The following CFAP299 variants were observed in gnomAD, a reference collection of about 807,000 sequenced individuals.
CFAP299 encodes the protein cilia- and flagella-associated protein 299.
A neutral mutation model predicts 27.0 loss-of-function variants in CFAP299; 21 were observed. The observed-to-expected ratio is 0.78, with a 90% CI of 0.55 to 1.12. The LOEUF (loss-of-function observed/expected upper bound fraction) is 1.12. Among genes scored for constraint, CFAP299 ranks in the 50% most tolerant of loss-of-function variants. CFAP299 has a pLI of 0.00. For synonymous variants in CFAP299, 104 were observed against 98.1 expected (o/e 1.06, Z -0.36); for missense variants, 310 against 276.6 (o/e 1.12, Z -0.86).
chr4:80,893,388 A>G (rs1734443860), intron 4 of CFAP299, among the ~76,000 whole-genome samples: 1 of 151,980 alleles, frequency 6.6e-6, no homozygotes, highest in African/African-American at 2.4e-5. Context: ...AAATTCATAC[A>G]GAACTATGAA....
At chr4:80,622,687 A>G (rs777512351) in intron 3 of CFAP299, among the ~76,000 whole-genome samples, 1 of 152,218 alleles carries the variant, frequency 6.6e-6, no homozygotes, top group Non-Finnish European at 1.5e-5. Flanking sequence ...TTAAAAAATT[A>G]AGAAAACCTA....
chr4:80,603,726 G>A (rs980737978), intron 3 of CFAP299, among the ~76,000 whole-genome samples: 1 of 152,158 alleles, frequency 6.6e-6, no homozygotes, highest in African/African-American at 2.4e-5. Context: ...CTGAAGTAAT[G>A]CATTATTCAT....
chr4:80,759,272 A>G (rs1725421900), intron 3 of CFAP299, among the ~76,000 whole-genome samples: 1 of 152,174 alleles, frequency 6.6e-6, no homozygotes, highest in Non-Finnish European at 1.5e-5. Context: ...CTTCAAGGCA[A>G]TCATGGTACA....
intron 2 of CFAP299, among the ~76,000 whole-genome samples, chr4:80,504,716 TG>T (rs1731929373): frequency 6.8e-6 from 1 of 147,830 alleles, no homozygotes; most frequent in African/African-American, 2.5e-5. Context: ...TGAGCGATTA[TG>T]TGGCATTTGT....
chr4:80,847,299 A>G (rs1202746653), intron 3 of CFAP299, among the ~76,000 whole-genome samples: 1 of 152,184 alleles, frequency 6.6e-6, no homozygotes, highest in African/African-American at 2.4e-5. Context: ...GCAAGAAGGT[A>G]CTTATTCCCT....
At chr4:80,757,930 A>G (rs1023660199) in intron 3 of CFAP299, among the ~76,000 whole-genome samples, 1 of 152,116 alleles carries the variant, frequency 6.6e-6, no homozygotes, top group Admixed American at 6.5e-5. Flanking sequence ...AGCATGGGTG[A>G]GCAGGTGAAG....
chr4:80,886,437 A>T (rs1194735654), intron 4 of CFAP299, among the ~76,000 whole-genome samples: 1 of 152,210 alleles, frequency 6.6e-6, no homozygotes, highest in African/African-American at 2.4e-5. Context: ...CATTTGTTTG[A>T]AAGAAAGTTA....
chr4:80,360,966 C>T (rs1234523761), intron 1 of CFAP299, among the ~76,000 whole-genome samples: 3 of 152,152 alleles, frequency 2.0e-5, no homozygotes, highest in Non-Finnish European at 2.9e-5. Context: ...GCCAAATCCC[C>T]CAAGCAAGGC....
intron 1 of CFAP299, among the ~76,000 whole-genome samples, chr4:80,339,724 C>A (rs1722346514): frequency 6.6e-6 from 1 of 152,134 alleles, no homozygotes; most frequent in African/African-American, 2.4e-5. Flanking sequence ...TTCCCTAAAT[C>A]AATATAGAAA....
At chr4:80,402,976 G>A (rs887208975) in intron 2 of CFAP299, among the ~76,000 whole-genome samples, 1 of 152,156 alleles carries the variant, frequency 6.6e-6, no homozygotes, top group Non-Finnish European at 1.5e-5. Flanking sequence ...ACTCTAAATA[G>A]GAGATTAGGC....
rs754302781 is a variant in CFAP299 at position 80,390,465 on chromosome 4, T to G, written c.242+27581T>G. 4.1e-4 allele frequency among the ~76,000 whole-genome samples: 62 copies of G among 150,374 alleles called. 1 individual carries two copies. Among genetic ancestry groups the G allele is most frequent in the Admixed American group, 1.2e-3 (18 of 14,962 alleles). ...ATAGGATTTTCTTCATTTTAAAGAC[T>G]GAGCAATTCTCTCCTCTCTCTCTCT... On this transcript the variant is annotated intron_variant, in intron 2 of 5. Coordinates refer to ENST00000358105, the MANE Select transcript of CFAP299 (RefSeq NM_152770.3).
chr4:80,690,618 A>G (rs1165296381), intron 3 of CFAP299, among the ~76,000 whole-genome samples: 1 of 152,212 alleles, frequency 6.6e-6, no homozygotes, highest in African/African-American at 2.4e-5. Flanking sequence ...ACACCCTAAC[A>G]TCACAATTAA....
intron 3 of CFAP299, among the ~76,000 whole-genome samples, chr4:80,743,518 A>G (rs1724405371): frequency 6.6e-6 from 1 of 152,194 alleles, no homozygotes; most frequent in South Asian, 2.1e-4. Context: ...TGAATCTTAA[A>G]TGCACAATAT....
chr4:80,651,364 CT>C (rs1275335171), intron 3 of CFAP299, among the ~76,000 whole-genome samples: 1 of 136,342 alleles, frequency 7.3e-6, no homozygotes, highest in South Asian at 2.4e-4. Flanking sequence ...CTTTCTTCTT[CT>C]TCTTTTTTTT....
intron 3 of CFAP299, among the ~76,000 whole-genome samples, chr4:80,623,080 A>G (rs1738688887): frequency 6.6e-6 from 1 of 152,116 alleles, no homozygotes; most frequent in Middle Eastern, 3.2e-3. Flanking sequence ...CTCATCAGGA[A>G]GGGAATATTT....
At chr4:80,801,906 T>G (rs1728632478) in intron 3 of CFAP299, among the ~76,000 whole-genome samples, 1 of 152,122 alleles carries the variant, frequency 6.6e-6, no homozygotes, top group Admixed American at 6.6e-5. Flanking sequence ...TCCTTAAGTT[T>G]TTTATTTATT....
intron 3 of CFAP299, among the ~76,000 whole-genome samples, chr4:80,603,788 G>A (rs1327958032): frequency 1.3e-5 from 2 of 152,004 alleles, no homozygotes; most frequent in African/African-American, 4.8e-5. Flanking sequence ...ATACATAATG[G>A]CTTTAACATA....
chr4:80,870,745 A>G (rs1313540184), intron 4 of CFAP299: 2 of 985,362 alleles, frequency 2.0e-6, no homozygotes, highest in Non-Finnish European at 2.4e-6. Context: ...ACTTAACTAT[A>G]GAACCCCAAA....
chr4:80,799,579 A>C (rs1283911802), intron 3 of CFAP299, among the ~76,000 whole-genome samples: 13 of 70,656 alleles, frequency 1.8e-4, no homozygotes, highest in African/African-American at 8.4e-4. Context: ...ATATATTTAT[A>C]AAATATATTA....
Sources: allele counts gnomAD v4.1 joint callset (sites outside exome capture counted in the v4.1 genomes callset), GRCh38; gene constraint gnomAD v4.1.1; transcripts MANE v1.5; gene names NCBI Gene and HGNC (gene_info 2026-07-23, HGNC 2026-07-21).